Variants in DCC observed in about 807,000 individuals in gnomAD.
DCC encodes netrin receptor DCC.
In DCC, 58 loss-of-function variants were observed where a neutral mutation model predicts 172.5. The ratio of observed to expected loss-of-function variants is 0.34; its 90% confidence interval spans 0.27 to 0.42. The LOEUF (loss-of-function observed/expected upper bound fraction) is 0.42. DCC is among the 10% of genes least tolerant of loss of function. DCC has a pLI of 1.00. For synonymous variants in DCC, 709 were observed against 644.5 expected, an observed-to-expected ratio of 1.10 and a Z score of -1.52; for missense variants, 1,740 against 1,791.0, an observed-to-expected ratio of 0.97 and a Z score of 0.51.
At chr18:52,680,450 A>G (rs188001212) in intron 1 of DCC, among the ~76,000 whole-genome samples, 2 of 152,178 alleles carry the variant, frequency 1.3e-5, no homozygotes, top group East Asian at 1.9e-4. Context: ...TCTTATCCCA[A>G]ATGGAATTCC....
chr18:52,856,260 A>C lies in DCC; in HGVS notation c.413-49784A>C, dbSNP rs199508914. Among the ~76,000 whole-genome samples, 27 of 152,312 alleles carry C rather than the reference A, an allele frequency of 1.8e-4. No individual in the cohort carries two copies. In the East Asian group the frequency reaches 5.2e-3, roughly 29 times the overall value. Reference sequence around the variant, plus strand: ...GTGAATATAGATAGATAATTTCATTATTCTATTTATGAAGATGTCTTTTTA... The same window carrying C: ...GTGAATATAGATAGATAATTTCATTCTTCTATTTATGAAGATGTCTTTTTA... On this transcript the variant is annotated intron_variant, in intron 2 of 28. Transcript: ENST00000442544.
chr18:52,623,127 C>T (rs747812627), intron 1 of DCC, among the ~76,000 whole-genome samples: 14 of 152,112 alleles, frequency 9.2e-5, no homozygotes, highest in Non-Finnish European at 1.9e-4. Flanking sequence ...TTACTTGTTG[C>T]CTCTGGCTGC....
rs760692925 is a variant in DCC, at chr18:52,677,195, C to A, written c.92-74859C>A. Among the ~76,000 whole-genome samples, 38 of 152,216 alleles carry A rather than the reference C, an allele frequency of 2.5e-4. 1 individual carries two copies. The highest frequency in any genetic ancestry group is 4.1e-4 in the Non-Finnish European group (28 of 67,998). ...TTAAATTTCTATCTTTGAATGAATT[C>A]TTTAATCATAAATATTGTCCATTCT... is the stretch of plus-strand genomic sequence containing the variant. On this transcript the variant is annotated intron_variant, in intron 1 of 28. Coordinates refer to ENST00000442544, the MANE Select transcript of DCC (RefSeq NM_005215.4).
At chr18:52,596,114 T>A (rs553507429) in intron 1 of DCC, among the ~76,000 whole-genome samples, 1 of 152,226 alleles carries the variant, frequency 6.6e-6, no homozygotes, top group Non-Finnish European at 1.5e-5. Flanking sequence ...ACAATCTTTA[T>A]GGAATAGATC....
At chr18:52,350,208 T>G (rs1984057050) in intron 1 of DCC, among the ~76,000 whole-genome samples, 1 of 152,178 alleles carries the variant, frequency 6.6e-6, no homozygotes, top group South Asian at 2.1e-4. Flanking sequence ...TTTCCTCCAG[T>G]GAAGGTGACA....
At chr18:52,364,523 T>A (rs1304297712) in intron 1 of DCC, among the ~76,000 whole-genome samples, 3 of 152,230 alleles carry the variant, frequency 2.0e-5, no homozygotes, top group Non-Finnish European at 4.4e-5. Context: ...TTCTAAGAGT[T>A]GGGAGGGAAC....
chr18:53,265,329 A>C (rs1382822487), intron 12 of DCC, among the ~76,000 whole-genome samples: 1 of 152,154 alleles, frequency 6.6e-6, no homozygotes, highest in Non-Finnish European at 1.5e-5. Flanking sequence ...AGAAAAGGTA[A>C]ACTTTTTTGC....
chr18:52,964,094 C>T (rs1288822138), intron 5 of DCC, among the ~76,000 whole-genome samples: 1 of 152,096 alleles, frequency 6.6e-6, no homozygotes, highest in African/African-American at 2.4e-5. Context: ...CAGGCATATT[C>T]AGAGGCTACA....
chr18:52,370,799 G>A lies in DCC; in HGVS notation c.91+29921G>A, dbSNP rs1036455065. Among the ~76,000 whole-genome samples, 3 of 152,236 alleles carry A rather than the reference G, an allele frequency of 2.0e-5. No homozygotes were observed. In the South Asian group the frequency reaches 6.2e-4, roughly 32 times the overall value. On this transcript the variant is annotated intron_variant, in intron 1 of 28. Transcript: ENST00000442544. ...TAATAATTGAAGAAAAATCACCAAC[G>A]CTTGAGAGAAATTGTTTAACCATTT...
chr18:52,893,215 G>A (rs2039677718), intron 2 of DCC, among the ~76,000 whole-genome samples: 1 of 151,994 alleles, frequency 6.6e-6, no homozygotes, highest in Admixed American at 6.6e-5. Flanking sequence ...TCAGGCACAT[G>A]TCTTTGGCAG....
intron 1 of DCC, among the ~76,000 whole-genome samples, chr18:52,708,335 G>A (rs2036242644): frequency 6.6e-6 from 1 of 151,808 alleles, no homozygotes; most frequent in Non-Finnish European, 1.5e-5. Flanking sequence ...CCAGCTACTT[G>A]GGAGGCTGAG....
chr18:52,804,246 C>T (rs2038046545), intron 2 of DCC, among the ~76,000 whole-genome samples: 1 of 60,052 alleles, frequency 1.7e-5, no homozygotes, highest in South Asian at 7.9e-4. Context: ...TTAGTGTATA[C>T]AACTTTAGTT....
intron 2 of DCC, among the ~76,000 whole-genome samples, chr18:52,821,119 C>A (rs2096994): frequency 0.32 from 49,204 of 151,984 alleles, 9,208 homozygotes; most frequent in African/African-American, 0.52. Flanking sequence ...CTACTACATT[C>A]ATTTTCTAGT....
rs542598257 is a variant in DCC, at chr18:52,444,394, A to G, written c.91+103516A>G. ...AAGAAGCTTAAAATCAGCTGAATTT[A>G]TTTTTTTTAGCAAACACATTCTAGT... On this transcript the variant is annotated intron_variant, in intron 1 of 28. Transcript: ENST00000442544. Among the ~76,000 whole-genome samples, 5 of 152,198 alleles carry G rather than the reference A, an allele frequency of 3.3e-5. No individual in the cohort carries two copies. The East Asian group carries it at 7.7e-4, about 23-fold the overall frequency.
At chr18:53,370,456 T>C (rs550141321) in intron 15 of DCC, among the ~76,000 whole-genome samples, 7 of 151,814 alleles carry the variant, frequency 4.6e-5, no homozygotes, top group African/African-American at 1.7e-4. Context: ...GCTCTAGTCT[T>C]TGTTATTTCC....
intron 16 of DCC, among the ~76,000 whole-genome samples, chr18:53,391,166 A>G (rs962708649): frequency 1.1e-4 from 6 of 54,006 alleles, no homozygotes; most frequent in African/African-American, 2.4e-4. Flanking sequence ...AGCAACAATG[A>G]AAACAGAGAA....
chr18:52,390,469 C>A lies in DCC; in HGVS notation c.91+49591C>A, dbSNP rs1464269119. On this transcript the variant is annotated intron_variant, in intron 1 of 28. Coordinates refer to ENST00000442544, the MANE Select transcript of DCC (RefSeq NM_005215.4). Reference sequence around the variant, plus strand: ...CTCCAATTTAGTAGCAATCATTGAACATTTTTACCCTAATAAATTTAAAAA... The same window carrying A: ...CTCCAATTTAGTAGCAATCATTGAAAATTTTTACCCTAATAAATTTAAAAA... 2.0e-5 allele frequency among the ~76,000 whole-genome samples: 3 copies of A among 152,068 alleles called. No homozygotes were observed. The East Asian group carries it at 5.8e-4, about 29-fold the overall frequency.
chr18:52,382,660 G>A (rs1985634668), intron 1 of DCC, among the ~76,000 whole-genome samples: 1 of 152,116 alleles, frequency 6.6e-6, no homozygotes, highest in South Asian at 2.1e-4. Context: ...AATTTGACCT[G>A]AGAGATTACA....
chr18:53,377,359 G>GAA (rs1907366604), intron 15 of DCC, among the ~76,000 whole-genome samples: 1 of 44,802 alleles, frequency 2.2e-5, no homozygotes, highest in Non-Finnish European at 7.0e-5. Flanking sequence ...ATTTGAGAGA[G>GAA]AGAGAGAGAG....
Sources: allele counts gnomAD v4.1 joint callset (sites outside exome capture counted in the v4.1 genomes callset), GRCh38; gene constraint gnomAD v4.1.1; transcripts MANE v1.5; gene names NCBI Gene and HGNC (gene_info 2026-07-23, HGNC 2026-07-21).